Variants in OCA2 observed in about 807,000 individuals in gnomAD.
The protein encoded by OCA2 is P protein.
In OCA2, 77 loss-of-function variants were observed where a neutral mutation model predicts 100.2. The ratio of observed to expected loss-of-function variants is 0.77; its 90% CI spans 0.64 to 0.93. The LOEUF is 0.93. Ranked by LOEUF, OCA2 falls within the 40% of genes least tolerant of loss-of-function variation. The pLI is 0.00. For missense variants in OCA2, 1,062 were observed against 1,089.1 expected (o/e 0.98, Z 0.35); for synonymous variants, 432 against 439.2 (o/e 0.98, Z 0.21).
intron 23 of OCA2, among the ~76,000 whole-genome samples, chr15:27,843,626 G>T (rs1385326112): frequency 6.6e-6 from 1 of 152,120 alleles, no homozygotes; most frequent in African/African-American, 2.4e-5. Flanking sequence ...ACCGGGAGAC[G>T]CACATTCAGC....
Position 28,096,843 on chromosome 15 carries a change from C to G in OCA2, c.-22+2381G>C, listed in dbSNP as rs900744317. 7.2e-5 allele frequency among the ~76,000 whole-genome samples: 11 copies of G among 152,084 alleles called. 1 individual carries two copies. In the Middle Eastern group the frequency reaches 0.014, roughly 189 times the overall value. On this transcript the variant is annotated intron_variant, in intron 1 of 23. Transcript: ENST00000354638. ...TGCCGAGGGCCGCGTTCGCAGGGCC[C>G]CCCGGGACTGGCGGCCCCGCGGCAG...
chr15:27,894,262 C>T (rs1488339952), intron 19 of OCA2, among the ~76,000 whole-genome samples: 1 of 152,222 alleles, frequency 6.6e-6, no homozygotes, highest in African/African-American at 2.4e-5. Context: ...TTTATCTCTA[C>T]TGTTCCATGT....
At chr15:27,941,719 G>C (rs991291404) in intron 18 of OCA2, among the ~76,000 whole-genome samples, 20 of 152,174 alleles carry the variant, frequency 1.3e-4, no homozygotes, top group African/African-American at 4.8e-4. Flanking sequence ...TCATATGTGT[G>C]CATGATGCTC....
At chr15:27,724,609 C>T in the OCA2 span, among the ~76,000 whole-genome samples, 1 of 152,086 alleles carries the variant, frequency 6.6e-6, no homozygotes, top group Non-Finnish European at 1.5e-5. Context: ...GCGAATGTTG[C>T]TGGCAGTATT....
At chr15:27,882,237 G>A (rs1162433622) in intron 19 of OCA2, among the ~76,000 whole-genome samples, 1 of 152,026 alleles carries the variant, frequency 6.6e-6, no homozygotes, top group Non-Finnish European at 1.5e-5. Context: ...CATGAGCTCT[G>A]GCAATGTAAA....
intron 23 of OCA2, among the ~76,000 whole-genome samples, chr15:27,820,899 T>C (rs1356808977): frequency 6.6e-6 from 1 of 152,202 alleles, no homozygotes; most frequent in East Asian, 1.9e-4. Flanking sequence ...TCAAGGGCTA[T>C]AATATTTGTC....
chr15:27,969,520 C>A (rs953870578), intron 14 of OCA2, among the ~76,000 whole-genome samples: 1 of 152,230 alleles, frequency 6.6e-6, no homozygotes, highest in Non-Finnish European at 1.5e-5. Context: ...ACAAAACTAT[C>A]CACCAGCACA....
intron 17 of OCA2, among the ~76,000 whole-genome samples, chr15:27,952,651 C>T (rs2040073063): frequency 1.3e-5 from 2 of 152,146 alleles, no homozygotes; most frequent in South Asian, 4.1e-4. Context: ...TTCTTTCTTT[C>T]ATTTATTTAT....
At chr15:27,830,963 G>T (rs944112478) in intron 23 of OCA2, among the ~76,000 whole-genome samples, 1 of 152,038 alleles carries the variant, frequency 6.6e-6, no homozygotes, top group Non-Finnish European at 1.5e-5. Flanking sequence ...AAAAATAAAA[G>T]CTGTAGCCAA....
At chr15:27,948,457 G>T (rs923455598) in intron 18 of OCA2, among the ~76,000 whole-genome samples, 2 of 151,970 alleles carry the variant, frequency 1.3e-5, no homozygotes, top group African/African-American at 2.4e-5. Flanking sequence ...GTTTTTTGGG[G>T]TTTTTTTGTT....
At chr15:27,917,470 G>A (rs60120477) in intron 19 of OCA2, among the ~76,000 whole-genome samples, 10 of 152,202 alleles carry the variant, frequency 6.6e-5, no homozygotes, top group African/African-American at 2.4e-4. Context: ...TAACCTGTTC[G>A]CCTGAATTGG....
chr15:28,093,046 C>T (rs192626530), intron 1 of OCA2, among the ~76,000 whole-genome samples: 9 of 152,112 alleles, frequency 5.9e-5, no homozygotes, highest in South Asian at 4.1e-4. Context: ...GATATGCACA[C>T]GGCAACTAAG....
intron 23 of OCA2, among the ~76,000 whole-genome samples, chr15:27,789,968 T>C (rs2033003642): frequency 6.6e-6 from 1 of 152,164 alleles, no homozygotes. Flanking sequence ...AGCTTAAAAC[T>C]TTGTCTGAGA....
At chr15:28,027,829 G>C (rs1326997939) in intron 4 of OCA2, 42 bp downstream of exon 4, 5 of 1,604,114 alleles carry the variant, frequency 3.1e-6, no homozygotes, top group Non-Finnish European at 4.3e-6. Context: ...CGCGATGTGC[G>C]GCCACCGCTG....
chr15:28,016,947 C>T (rs1194563542), intron 7 of OCA2, among the ~76,000 whole-genome samples: 2 of 151,876 alleles, frequency 1.3e-5, no homozygotes, highest in African/African-American at 4.8e-5. Flanking sequence ...TTCCACACCC[C>T]TGTGCACAGG....
chr15:27,979,136 A>G (rs949176353), intron 14 of OCA2, among the ~76,000 whole-genome samples: 1 of 152,268 alleles, frequency 6.6e-6, no homozygotes, highest in Non-Finnish European at 1.5e-5. Context: ...AATAAGTTAC[A>G]TGAGCTATCC....
intron 23 of OCA2, among the ~76,000 whole-genome samples, chr15:27,763,165 C>A (rs1480999409): frequency 6.6e-6 from 1 of 151,780 alleles, no homozygotes; most frequent in Non-Finnish European, 1.5e-5. Context: ...TGTAAAACTA[C>A]AAAACATTTA....
At chr15:27,800,383 A>G (rs1222657471) in intron 23 of OCA2, among the ~76,000 whole-genome samples, 1 of 152,198 alleles carries the variant, frequency 6.6e-6, no homozygotes, top group Non-Finnish European at 1.5e-5. Flanking sequence ...AAAACACAGA[A>G]TGAAATCGAA....
intron 18 of OCA2, among the ~76,000 whole-genome samples, chr15:27,951,357 G>A (rs1260773606): frequency 2.6e-5 from 4 of 152,226 alleles, no homozygotes; most frequent in East Asian, 1.9e-4. Context: ...CCGGCCATTC[G>A]CCAGGGCTCT....
Sources: gnomAD v4.1 joint callset for allele counts (sites outside exome capture counted in the v4.1 genomes callset) on GRCh38, gnomAD v4.1.1 for gene constraint, MANE v1.5 for transcripts, NCBI Gene and HGNC (gene_info 2026-07-23, HGNC 2026-07-21) for gene names.